The following KIRREL1 variants were observed in gnomAD, a reference collection of about 807,000 sequenced individuals.
KIRREL1 encodes kirre like nephrin family adhesion molecule 1, also known as kin of IRRE-like protein 1.
Under a neutral mutation model 83.3 loss-of-function variants are expected in KIRREL1, and 25 were observed. That is an observed-to-expected ratio of 0.30 (90% CI 0.22 to 0.42). The LOEUF is 0.42. Among genes scored for constraint, KIRREL1 ranks in the 10% least tolerant of loss-of-function variants. The pLI is 1.00. For synonymous variants in KIRREL1, 388 were observed against 410.4 expected (o/e 0.95, Z 0.66); for missense variants, 812 against 1,032.3 (o/e 0.79, Z 2.92).
intron 1 of KIRREL1, among the ~76,000 whole-genome samples, chr1:158,058,376 C>T (rs912614124): frequency 2.0e-5 from 3 of 152,098 alleles, no homozygotes; most frequent in African/African-American, 7.2e-5. Context: ...ATTAAAAATC[C>T]TTCATTATTA....
chr1:158,033,545 C>T (rs6665898), intron 1 of KIRREL1, among the ~76,000 whole-genome samples: 123,322 of 152,196 alleles, frequency 0.81, 51,306 homozygotes, highest in Non-Finnish European at 0.9. Context: ...CCTTGCTTTG[C>T]AGCTCATTTT....
chr1:158,092,314 A>G (rs1047653743), intron 11 of KIRREL1, among the ~76,000 whole-genome samples: 12 of 149,976 alleles, frequency 8.0e-5, no homozygotes, highest in Non-Finnish European at 4.4e-5. Context: ...GGAGAACCAC[A>G]TGGAAAATGA....
At chr1:158,030,172 C>A (rs1447637545) in intron 1 of KIRREL1, among the ~76,000 whole-genome samples, 1 of 152,134 alleles carries the variant, frequency 6.6e-6, no homozygotes, top group Non-Finnish European at 1.5e-5. Flanking sequence ...CCTGTTAGTA[C>A]CCCAGCTTGT....
chr1:158,001,353 C>G (rs1251367101), intron 1 of KIRREL1, among the ~76,000 whole-genome samples: 1 of 152,230 alleles, frequency 6.6e-6, no homozygotes, highest in African/African-American at 2.4e-5. Flanking sequence ...TCAGTTCTCT[C>G]TTTCACCAAA....
chr1:158,005,498 G>C (rs1040928817), intron 1 of KIRREL1, among the ~76,000 whole-genome samples: 1 of 150,616 alleles, frequency 6.6e-6, no homozygotes, highest in Non-Finnish European at 1.5e-5. Flanking sequence ...GCAACCTGCT[G>C]GTGTGCTGGT....
intron 1 of KIRREL1, among the ~76,000 whole-genome samples, chr1:158,016,312 A>G (rs1167155108): frequency 2.6e-5 from 4 of 152,166 alleles, no homozygotes; most frequent in Non-Finnish European, 4.4e-5. Context: ...TCAAAAAAAA[A>G]AAAGAAAGCA....
rs75307958 is a variant in KIRREL1 at position 158,091,916 on chromosome 1, A to G, written c.1471+360A>G. On this transcript the variant is annotated intron_variant, in intron 11 of 14. Coordinates refer to ENST00000359209, the MANE Select transcript of KIRREL1 (RefSeq NM_018240.7). ...GGGGCTGCAGAAAGAGCTGTGAACA[A>G]GACACAGTCCCTGACCTCAAGAAAC... is the stretch of plus-strand genomic sequence containing the variant. 7.6e-3 allele frequency among the ~76,000 whole-genome samples: 1,159 copies of G among 152,346 alleles called. 7 individuals carry two copies. Among genetic ancestry groups the G allele is most frequent in the Non-Finnish European group, 9.5e-3 (647 of 68,028 alleles).
chr1:158,022,057 C>T (rs1254097899), intron 1 of KIRREL1, among the ~76,000 whole-genome samples: 6 of 151,818 alleles, frequency 4.0e-5, no homozygotes, highest in South Asian at 4.2e-4. Context: ...GGGTGGGGCT[C>T]GGTGGGTAGT....
chr1:158,036,142 T>C (rs1183389123), intron 1 of KIRREL1, among the ~76,000 whole-genome samples: 1 of 152,198 alleles, frequency 6.6e-6, no homozygotes, highest in African/African-American at 2.4e-5. Flanking sequence ...ACCTTGGGCC[T>C]TGACATTACA....
At position 158,093,651 on chromosome 1, in the gene KIRREL1, G is replaced by A. The variant is rs1300475423; in HGVS notation, c.1608G>A (p.Leu536=). ...GCAAAGACGTGACCCTGAGGAAGCTGGATATCAAGGTGGAGACAGTGAACC... is the reference window on the plus strand; with the variant it reads ...GCAAAGACGTGACCCTGAGGAAGCTAGATATCAAGGTGGAGACAGTGAACC... ...GSRKDVTLRK[L]DIKVETVNRE... Residue 536 remains leucine, a synonymous_variant, in exon 13 of 15, where the codon CTG becomes CTA. Transcript: ENST00000359209. 6.2e-7 allele frequency: 1 copy of A among 1,614,056 alleles called. No homozygotes were observed. The highest frequency in any genetic ancestry group is 1.3e-5 in the African/African-American group (1 of 74,922).
Position 158,084,478 on chromosome 1 carries a change from A to AC in KIRREL1, c.415dup (p.His139ProfsTer50). On this transcript the variant is annotated frameshift_variant, in exon 4 of 15. Transcript: ENST00000359209. LOFTEE classifies it high-confidence loss of function. ...CCCTGTGATTCTACTGCAGGCAGGC[A>AC]CCCCCCACAACCTCACATGCCGGGC... The AC allele has an allele frequency of 6.4e-7, 1 of 1,551,606 alleles. No individual in the cohort carries two copies. The highest frequency in any genetic ancestry group is 1.4e-5 in the African/African-American group (1 of 73,112).
At chr1:158,016,252 C>T (rs912668278) in intron 1 of KIRREL1, among the ~76,000 whole-genome samples, 1 of 151,752 alleles carries the variant, frequency 6.6e-6, no homozygotes. Flanking sequence ...TGCAGTGAGC[C>T]GAGATCGTGC....
intron 1 of KIRREL1, among the ~76,000 whole-genome samples, chr1:158,036,597 G>A (rs1557998125): frequency 1.3e-5 from 2 of 152,140 alleles, no homozygotes; most frequent in Non-Finnish European, 2.9e-5. Context: ...GATGGTGTAA[G>A]TTCTCTCAAA....
rs948183866 is a variant in KIRREL1 at position 158,098,704 on chromosome 1, A to C, written c.*3584A>C. 1 of 152,294 alleles carries C rather than the reference A, an allele frequency of 6.6e-6. No homozygotes were observed. 9.4% of individuals were successfully genotyped at this position (152,294 alleles called of 1,614,324 possible). A position where few individuals can be genotyped will look rare whatever the true frequency, so the allele number is the denominator to read the frequency against. On this transcript the variant is annotated 3_prime_UTR_variant, in exon 15 of 15. Coordinates refer to ENST00000359209, the MANE Select transcript of KIRREL1 (RefSeq NM_018240.7). The stretch of plus-strand genomic sequence containing the variant: ...AAGCAAAAAGCCTAGTAAGTGAGAA[A>C]GGAAAGGGGCCAGGGATGGGAGCAG...
rs776945930 is a variant in KIRREL1, at chr1:158,089,796, G to C, written c.1250G>C (p.Ser417Thr). 6.2e-7 allele frequency: 1 copy of C among 1,614,062 alleles called. No individual in the cohort carries two copies. Among genetic ancestry groups the C allele is most frequent in the Non-Finnish European group, 8.5e-7 (1 of 1,179,974 alleles). Residue 417 changes from serine (S) to threonine (T), a missense_variant, in exon 10 of 15, where the codon AGC (serine) becomes ACC (threonine). Ser to Thr is a moderately conservative substitution (Grantham distance 58). Around this residue, in one of 3 missense-constraint regions of KIRREL1, gnomAD observed 472 missense variants for 626.8 expected, o/e 0.75. Transcript: ENST00000359209. ...GGCAAGGTGGAGTGTTTCATTGGGA[G>C]CACACCACCCCCAGACCGCATAGTG... is the stretch of plus-strand genomic sequence containing the variant. ...DGGKVECFIG[S>T]TPPPDRIAWA...
At chr1:158,074,039 A>G (rs1661598740) in intron 1 of KIRREL1, among the ~76,000 whole-genome samples, 1 of 152,210 alleles carries the variant, frequency 6.6e-6, no homozygotes, top group Admixed American at 6.5e-5. Context: ...TAGCTGCACT[A>G]GAGAAATGCG....
intron 10 of KIRREL1, 84 bp downstream of exon 10, chr1:158,089,902 G>A (rs776604086): frequency 1.6e-6 from 2 of 1,214,522 alleles, no homozygotes; most frequent in Non-Finnish European, 2.4e-6. Flanking sequence ...TGCTGGTTTT[G>A]CTCCTTCAAC....
chr1:158,032,593 C>A (rs1571552614), intron 1 of KIRREL1, among the ~76,000 whole-genome samples: 1 of 152,118 alleles, frequency 6.6e-6, no homozygotes, highest in Non-Finnish European at 1.5e-5. Context: ...AAAAGGAAGT[C>A]CATTCAAAGG....
intron 1 of KIRREL1, among the ~76,000 whole-genome samples, chr1:158,004,619 C>T (rs537624599): frequency 5.5e-4 from 83 of 152,150 alleles, no homozygotes; most frequent in Middle Eastern, 3.2e-3. Flanking sequence ...ACTCTCAGGA[C>T]GGTGTACAGT....
Sources: allele counts gnomAD v4.1 joint callset (sites outside exome capture counted in the v4.1 genomes callset), GRCh38; gene constraint gnomAD v4.1.1; regional missense constraint gnomAD v4.1.1; transcripts MANE v1.5; gene names NCBI Gene and HGNC (gene_info 2026-07-23, HGNC 2026-07-21).